Variants in GSG1L observed in about 807,000 individuals in gnomAD.
The protein encoded by GSG1L is GSG1 like.
Under a neutral mutation model 42.1 loss-of-function variants are expected in GSG1L, and 24 were observed. That is an observed-to-expected ratio of 0.57 (90% CI 0.41 to 0.80). GSG1L has a LOEUF of 0.80. Ranked by LOEUF, GSG1L falls within the 30% of genes least tolerant of loss-of-function variation. The pLI, the probability that GSG1L is intolerant of heterozygous loss-of-function variation, is 0.00. For missense variants in GSG1L, 445 were observed against 472.2 expected, an observed-to-expected ratio of 0.94 and a Z score of 0.53; for synonymous variants, 215 against 203.5, an observed-to-expected ratio of 1.06 and a Z score of -0.48.
chr16:27,873,886 G>A (rs775355573), intron 3 of GSG1L, among the ~76,000 whole-genome samples: 2 of 152,072 alleles, frequency 1.3e-5, no homozygotes, highest in Non-Finnish European at 2.9e-5. Context: ...AAACACACAG[G>A]GACTCCCCAT....
intron 2 of GSG1L, among the ~76,000 whole-genome samples, chr16:27,920,296 G>A (rs1205688407): frequency 1.3e-5 from 2 of 152,142 alleles, no homozygotes; most frequent in Non-Finnish European, 2.9e-5. Context: ...GGCTTTTTTG[G>A]ACTGTAGCAT....
chr16:27,910,550 A>G (rs951207620), intron 2 of GSG1L, among the ~76,000 whole-genome samples: 14 of 152,364 alleles, frequency 9.2e-5, no homozygotes, highest in African/African-American at 2.9e-4. Flanking sequence ...GAACCAGGCC[A>G]CTTGAGGCCA....
chr16:27,976,210 G>A (rs1424235683), intron 1 of GSG1L, among the ~76,000 whole-genome samples: 2 of 152,190 alleles, frequency 1.3e-5, no homozygotes, highest in Non-Finnish European at 2.9e-5. Context: ...AGGAGGTGGA[G>A]GTTGCAGTGA....
intron 2 of GSG1L, among the ~76,000 whole-genome samples, chr16:27,910,928 G>A (rs1321918002): frequency 6.6e-6 from 1 of 152,192 alleles, no homozygotes; most frequent in East Asian, 1.9e-4. Context: ...CAGGAGGATT[G>A]CTTGAGCTCA....
intron 1 of GSG1L, among the ~76,000 whole-genome samples, chr16:27,975,540 G>A (rs2085241126): frequency 6.6e-6 from 1 of 152,196 alleles, no homozygotes; most frequent in African/African-American, 2.4e-5. Context: ...ACGTGCAGGG[G>A]ACTTTTCCTC....
intron 2 of GSG1L, among the ~76,000 whole-genome samples, chr16:27,949,560 C>T (rs911633319): frequency 2.0e-5 from 3 of 152,054 alleles, no homozygotes; most frequent in Non-Finnish European, 4.4e-5. Flanking sequence ...TTCGAGGTTA[C>T]AGTGAGCTAC....
At chr16:28,006,419 G>T (rs1248796334) in intron 1 of GSG1L, among the ~76,000 whole-genome samples, 3 of 151,800 alleles carry the variant, frequency 2.0e-5, no homozygotes, top group African/African-American at 7.3e-5. Flanking sequence ...AGGGATTCTT[G>T]TGCCTCAGCC....
chr16:28,052,004 G>T (rs1001219741), intron 1 of GSG1L, among the ~76,000 whole-genome samples: 1 of 152,162 alleles, frequency 6.6e-6, no homozygotes, highest in East Asian at 1.9e-4. Flanking sequence ...AGGAGACGGG[G>T]AGAAATGGTG....
At chr16:28,007,572 G>A (rs1457805995) in intron 1 of GSG1L, among the ~76,000 whole-genome samples, 2 of 152,068 alleles carry the variant, frequency 1.3e-5, no homozygotes, top group African/African-American at 4.8e-5. Context: ...GAGTGCAGCG[G>A]TGCCATCACA....
intron 5 of GSG1L, 141 bp from the exon 6 acceptor site, chr16:27,807,695 G>A: frequency 1.5e-6 from 1 of 659,214 alleles, no homozygotes; most frequent in Non-Finnish European, 2.6e-6. Context: ...GCTGCCCTGG[G>A]GGATTTTGAC....
At chr16:28,025,732 C>T (rs1433271869) in intron 1 of GSG1L, among the ~76,000 whole-genome samples, 1 of 152,238 alleles carries the variant, frequency 6.6e-6, no homozygotes, top group Non-Finnish European at 1.5e-5. Context: ...CATCCCCTGC[C>T]TGTTCTTTTA....
At chr16:27,865,282 G>A (rs1340603096) in intron 3 of GSG1L, among the ~76,000 whole-genome samples, 1 of 152,002 alleles carries the variant, frequency 6.6e-6, no homozygotes, top group Non-Finnish European at 1.5e-5. Flanking sequence ...CTTGGAGTGT[G>A]TTTTCCTGGA....
In GSG1L at chr16:28,022,544, G is replaced by A. The variant is rs371223919; in HGVS notation, c.349+40532C>T. ...GGCTGGAGTGCAATGCTGTGATCTC[G>A]GCTCACTGCAGGCTCCGCCTTCTGG... On this transcript the variant is annotated intron_variant, in intron 1 of 6. Transcript: ENST00000447459. 4.6e-5 allele frequency among the ~76,000 whole-genome samples: 7 copies of A among 151,644 alleles called. No individual in the cohort carries two copies. In the East Asian group the frequency reaches 5.8e-4, roughly 13 times the overall value.
At chr16:27,949,912 G>A (rs2084932491) in intron 2 of GSG1L, among the ~76,000 whole-genome samples, 1 of 152,214 alleles carries the variant, frequency 6.6e-6, no homozygotes, top group Non-Finnish European at 1.5e-5. Flanking sequence ...GCGACAGAGT[G>A]AGACTCCGTC....
intron 1 of GSG1L, among the ~76,000 whole-genome samples, chr16:28,000,017 C>G (rs2085564914): frequency 6.6e-6 from 1 of 152,208 alleles, no homozygotes; most frequent in Admixed American, 6.5e-5. Flanking sequence ...TCTTCCTCAT[C>G]ATACAGTGGA....
At chr16:27,972,652 G>A (rs2085205663) in intron 1 of GSG1L, among the ~76,000 whole-genome samples, 1 of 152,150 alleles carries the variant, frequency 6.6e-6, no homozygotes, top group Non-Finnish European at 1.5e-5. Context: ...GCATACCTTT[G>A]GTGAACCATG....
intron 1 of GSG1L, among the ~76,000 whole-genome samples, chr16:28,024,712 G>A (rs888719936): frequency 2.6e-5 from 4 of 152,200 alleles, no homozygotes; most frequent in Non-Finnish European, 5.9e-5. Flanking sequence ...TTTCTTGACT[G>A]TAAAATAGGA....
chr16:27,977,969 C>G (rs2085270203), intron 1 of GSG1L, among the ~76,000 whole-genome samples: 1 of 152,218 alleles, frequency 6.6e-6, no homozygotes, highest in Admixed American at 6.5e-5. Context: ...TCAGGAGGCC[C>G]TGACCTCCCC....
chr16:27,879,184 A>T (rs543437658), intron 3 of GSG1L, among the ~76,000 whole-genome samples: 1 of 152,356 alleles, frequency 6.6e-6, no homozygotes, highest in East Asian at 1.9e-4. Context: ...GAGAGCCTTT[A>T]TCACATCTCA....
Sources: allele counts gnomAD v4.1 joint callset (sites outside exome capture counted in the v4.1 genomes callset), GRCh38; gene constraint gnomAD v4.1.1; transcripts MANE v1.5; gene names NCBI Gene and HGNC (gene_info 2026-07-23, HGNC 2026-07-21).